The following ATRN variants were observed in gnomAD, a reference collection of about 807,000 sequenced individuals.
ATRN encodes attractin-2.
ATRN carries 54 observed loss-of-function variants against 178.7 expected under a neutral mutation model. The ratio of observed to expected loss-of-function variants is 0.30; its 90% CI spans 0.24 to 0.38. The LOEUF (loss-of-function observed/expected upper bound fraction) is 0.38, where lower values mean the gene tolerates loss of function less well. ATRN is among the 10% of genes least tolerant of loss of function. The pLI is 1.00. For missense variants in ATRN, 1,443 were observed against 1,815.1 expected (o/e 0.79, Z 3.73); for synonymous variants, 636 against 663.0 (o/e 0.96, Z 0.63).
In ATRN at chr20:3,591,342, C is replaced by T. The variant is rs372879166; in HGVS notation, c.3322+36C>T. The T allele has an allele frequency of 1.7e-5, 27 of 1,597,732 alleles. No homozygotes were observed. The South Asian group carries it at 1.9e-4, about 11-fold the overall frequency. On this transcript the variant is annotated intron_variant, in intron 19 of 28. Coordinates refer to ENST00000262919, the MANE Select transcript of ATRN (RefSeq NM_139321.3). ...TTGGTCAGGTTTACTCATGGCAAAT[C>T]GGTGTGGAACACAGCACTTCTATTT...
chr20:3,574,389 A>G (rs2086174324), intron 12 of ATRN, among the ~76,000 whole-genome samples: 1 of 152,154 alleles, frequency 6.6e-6, no homozygotes, highest in Non-Finnish European at 1.5e-5. Context: ...ATGGTGGTGC[A>G]CGCCTATAGT....
intron 24 of ATRN, among the ~76,000 whole-genome samples, chr20:3,607,029 G>C (rs1419043418): frequency 6.6e-6 from 1 of 151,914 alleles, no homozygotes; most frequent in African/African-American, 2.4e-5. Context: ...AGGATATTTT[G>C]AATTTCCTCT....
intron 1 of ATRN, among the ~76,000 whole-genome samples, chr20:3,480,601 T>A (rs1028362925): frequency 1.3e-5 from 2 of 152,164 alleles, no homozygotes; most frequent in Admixed American, 6.5e-5. Context: ...ATTCCTAACA[T>A]ACAGAGGGAG....
At chr20:3,646,592 G>T (rs879758409) in intron 28 of ATRN, 131 bp from the exon 29 acceptor site, 14 of 1,315,128 alleles carry the variant, frequency 1.1e-5, no homozygotes, top group South Asian at 3.3e-5. Context: ...CTTTTTGGGG[G>T]TTTTTTGTTC....
At chr20:3,623,412 G>A (rs2086912169) in intron 24 of ATRN, among the ~76,000 whole-genome samples, 1 of 152,178 alleles carries the variant, frequency 6.6e-6, no homozygotes, top group Non-Finnish European at 1.5e-5. Flanking sequence ...GGCCTGAATA[G>A]TGTTGGAATT....
At chr20:3,547,893 T>C (rs2085731711) in intron 5 of ATRN, among the ~76,000 whole-genome samples, 1 of 137,218 alleles carries the variant, frequency 7.3e-6, no homozygotes, top group Non-Finnish European at 1.6e-5. Flanking sequence ...AATAGTTATC[T>C]ACAGAAATAA....
rs1192890375 is a variant in ATRN at position 3,646,922 on chromosome 20, C to G, written c.*75C>G. 1 of 1,571,278 alleles carries G rather than the reference C, an allele frequency of 6.4e-7. No individual in the cohort carries two copies. Among genetic ancestry groups the G allele is most frequent in the Non-Finnish European group, 8.6e-7 (1 of 1,157,224 alleles). ...GAGCCATCTGCAGGGAAGGGCGTGG[C>G]GGGGAAATGGCTGTGCGGTGCGGGA... On this transcript the variant is annotated 3_prime_UTR_variant, in exon 29 of 29. Transcript: ENST00000262919.
intron 10 of ATRN, among the ~76,000 whole-genome samples, chr20:3,565,036 G>A (rs1372001234): frequency 2.0e-5 from 3 of 152,180 alleles, no homozygotes; most frequent in African/African-American, 7.2e-5. Context: ...CTGCACTCCA[G>A]CCTGGGTGAC....
intron 18 of ATRN, among the ~76,000 whole-genome samples, chr20:3,590,009 GT>G (rs1449654988): frequency 6.6e-6 from 1 of 152,166 alleles, no homozygotes; most frequent in Non-Finnish European, 1.5e-5. Context: ...GAGTGCAATG[GT>G]GCTTTCTTGG....
chr20:3,545,892 T>A lies in ATRN; in HGVS notation c.737+2T>A. 1 of 1,613,074 alleles carries A rather than the reference T, an allele frequency of 6.2e-7. No homozygotes were observed. The highest frequency in any genetic ancestry group is 1.3e-5 in the African/African-American group (1 of 75,038). On this transcript the variant is annotated splice_donor_variant, in intron 4 of 28. Coordinates refer to ENST00000262919, the MANE Select transcript of ATRN (RefSeq NM_139321.3). LOFTEE classifies it high-confidence loss of function. The stretch of plus-strand genomic sequence containing the variant: ...GACTGGATTTAATATTACTTACAGG[T>A]AAGATACTTAAGTCTAGTATTTGTG...
Position 3,471,404 on chromosome 20 carries a change from G to A in ATRN, c.297G>A (p.Lys99=). The A allele has an allele frequency of 6.7e-7, 1 of 1,489,692 alleles. No individual in the cohort carries two copies. Among genetic ancestry groups the A allele is most frequent in the South Asian group, 1.3e-5 (1 of 78,112 alleles). 92.3% of individuals were successfully genotyped at this position (1,489,692 alleles called of 1,614,324 possible). A position where few individuals can be genotyped will look rare whatever the true frequency, so the allele number is the denominator to read the frequency against. The change falls in exon 1 of 29, where the codon AAG becomes AAA. Residue 99 remains lysine (K), a synonymous_variant. Coordinates refer to ENST00000262919, the MANE Select transcript of ATRN (RefSeq NM_139321.3). ...CGGGCTCAGCCGCAGCCGAGGCCAAGGAATGTGACCGGCCCTGTGTCAACG... is the reference window on the plus strand; with the variant it reads ...CGGGCTCAGCCGCAGCCGAGGCCAAAGAATGTGACCGGCCCTGTGTCAACG... ...AVSGSAAAEA[K]ECDRPCVNGG...
chr20:3,560,809 A>G lies in ATRN; in HGVS notation c.1351A>G (p.Ile451Val), dbSNP rs188758827. The G allele has an allele frequency of 1.7e-4, 270 of 1,614,170 alleles. No individual in the cohort carries two copies. Among genetic ancestry groups the G allele is most frequent in the Non-Finnish European group, 2.2e-4 (261 of 1,180,024 alleles). Residue 451 changes from isoleucine to valine, a missense_variant, in exon 8 of 29, where the codon ATT becomes GTT. Coordinates refer to ENST00000262919, the MANE Select transcript of ATRN (RefSeq NM_139321.3). The stretch of plus-strand genomic sequence containing the variant: ...TGCAGTGGTTGGGCACTCTGCACAC[A>G]TTGTTACACTGAAGAATGGCCGAGT... Reference protein sequence around the residue: ...QYAVVGHSAHIVTLKNGRVVM... With the variant: ...QYAVVGHSAHVVTLKNGRVVM...
chr20:3,542,745 G>A (rs1311568462), intron 3 of ATRN, among the ~76,000 whole-genome samples: 2 of 151,146 alleles, frequency 1.3e-5, no homozygotes, highest in African/African-American at 2.4e-5. Flanking sequence ...TCCCACCTCA[G>A]CCTCCCCAGT....
At chr20:3,564,859 A>G (rs554175262) in intron 10 of ATRN, among the ~76,000 whole-genome samples, 1 of 152,192 alleles carries the variant, frequency 6.6e-6, no homozygotes, top group South Asian at 2.1e-4. Flanking sequence ...AGGTCAGGAG[A>G]TTGAGACTAT....
At chr20:3,511,594 C>CT (rs1387383388) in intron 1 of ATRN, among the ~76,000 whole-genome samples, 3 of 152,064 alleles carry the variant, frequency 2.0e-5, no homozygotes, top group African/African-American at 7.2e-5. Context: ...GACATTAACT[C>CT]TGTTTATCAT....
intron 1 of ATRN, among the ~76,000 whole-genome samples, chr20:3,483,575 T>C (rs1037471594): frequency 1.3e-5 from 2 of 152,180 alleles, no homozygotes; most frequent in Non-Finnish European, 2.9e-5. Context: ...CTTGAACTCC[T>C]GGCCTAAGCA....
At position 3,489,656 on chromosome 20, in the gene ATRN, G is replaced by A. The variant is rs958665354; in HGVS notation, c.410+18139G>A. 1.9e-5 allele frequency: 29 copies of A among 1,506,344 alleles called. No homozygotes were observed. The Admixed American group carries it at 4.7e-4, about 24-fold the overall frequency. 93.3% of individuals were successfully genotyped at this position (1,506,344 alleles called of 1,614,324 possible). A position where few individuals can be genotyped will look rare whatever the true frequency, so the allele number is the denominator to read the frequency against. The stretch of plus-strand genomic sequence containing the variant: ...CTGAAGCCTTCTGCAATTTGAATTT[G>A]GCCCACAAGGAGACAGCATCTTCAA... On this transcript the variant is annotated intron_variant, in intron 1 of 28. Coordinates refer to ENST00000262919, the MANE Select transcript of ATRN (RefSeq NM_139321.3).
Position 3,582,215 on chromosome 20 carries a change from T to G in ATRN, c.2625T>G (p.Phe875Leu). 1 of 1,614,190 alleles carries G rather than the reference T, an allele frequency of 6.2e-7. No homozygotes were observed. The highest frequency in any genetic ancestry group is 8.5e-7 in the Non-Finnish European group (1 of 1,180,044). ...GGTGCTGGGAAGATATGTCCCCATT[T>G]ACAAATAGTTTACTACAGTGGATGC... ...SYWCWEDMSP[F>L]TNSLLQWMPS... Residue 875 changes from phenylalanine (F) to leucine (L), a missense_variant, in exon 16 of 29, where the codon TTT (phenylalanine) becomes TTG (leucine). Coordinates refer to ENST00000262919, the MANE Select transcript of ATRN (RefSeq NM_139321.3).
chr20:3,484,249 T>TAAA (rs779224931), intron 1 of ATRN, among the ~76,000 whole-genome samples: 2 of 142,610 alleles, frequency 1.4e-5, no homozygotes, highest in African/African-American at 5.1e-5. Context: ...ACCTTGTCTT[T>TAAA]AAAAAAAAAA....
Sources: gnomAD v4.1 joint callset for allele counts (sites outside exome capture counted in the v4.1 genomes callset) on GRCh38, gnomAD v4.1.1 for gene constraint, MANE v1.5 for transcripts, NCBI Gene and HGNC (gene_info 2026-07-23, HGNC 2026-07-21) for gene names.